SIL1: variants seen among roughly 807,000 people sequenced by gnomAD.
The protein encoded by SIL1 is nucleotide exchange factor SIL1.
A neutral mutation model predicts 49.1 loss-of-function variants in SIL1; 40 were observed. The ratio of observed to expected loss-of-function variants is 0.81; its 90% CI spans 0.63 to 1.06. The LOEUF is 1.06. Among genes scored for constraint, SIL1 ranks in the 50% least tolerant of loss-of-function variants. The pLI is 0.00. For synonymous variants in SIL1, 253 were observed against 250.8 expected, an observed-to-expected ratio of 1.01 and a Z score of -0.08; for missense variants, 500 against 572.6, an observed-to-expected ratio of 0.87 and a Z score of 1.29.
intron 7 of SIL1, among the ~76,000 whole-genome samples, chr5:138,993,490 T>C (rs1767799100): frequency 6.6e-6 from 1 of 152,208 alleles, no homozygotes; most frequent in Non-Finnish European, 1.5e-5. Flanking sequence ...TTACCTCCCA[T>C]TGGGTGTGGG....
At chr5:139,019,986 A>T (rs775409278) in intron 7 of SIL1, among the ~76,000 whole-genome samples, 10 of 152,214 alleles carry the variant, frequency 6.6e-5, no homozygotes, top group Non-Finnish European at 1.3e-4. Flanking sequence ...AACCGCAGAT[A>T]CTAACGTCAA....
intron 3 of SIL1, among the ~76,000 whole-genome samples, chr5:139,073,180 T>C (rs909999390): frequency 6.6e-6 from 1 of 152,208 alleles, no homozygotes; most frequent in Non-Finnish European, 1.5e-5. Flanking sequence ...AACTACCATA[T>C]GATCCAGTAA....
At chr5:138,962,622 A>T (rs998151863) in intron 7 of SIL1, among the ~76,000 whole-genome samples, 5 of 152,248 alleles carry the variant, frequency 3.3e-5, no homozygotes, top group African/African-American at 1.2e-4. Flanking sequence ...TTTAACAAAA[A>T]TTATTATTTT....
chr5:139,068,302 T>C (rs190697980), intron 3 of SIL1, among the ~76,000 whole-genome samples: 2 of 152,272 alleles, frequency 1.3e-5, no homozygotes, highest in African/African-American at 4.8e-5. Context: ...AGGCATTCAC[T>C]AAAAATTATA....
intron 1 of SIL1, among the ~76,000 whole-genome samples, chr5:139,141,903 G>C (rs1351804016): frequency 6.6e-6 from 1 of 152,136 alleles, no homozygotes; most frequent in Non-Finnish European, 1.5e-5. Context: ...GACTTGTTCT[G>C]ATCTCCTGAA....
intron 3 of SIL1, among the ~76,000 whole-genome samples, chr5:139,057,607 C>T (rs986293982): frequency 3.3e-5 from 5 of 152,068 alleles, no homozygotes; most frequent in South Asian, 2.1e-4. Flanking sequence ...GAGTCTTGAA[C>T]CCCCACAGAG....
chr5:139,068,672 A>AG (rs1217060239), intron 3 of SIL1, among the ~76,000 whole-genome samples: 3 of 148,038 alleles, frequency 2.0e-5, no homozygotes, highest in African/African-American at 7.3e-5. Context: ...AAAAAAAAAA[A>AG]AAGAAGAGAA....
At chr5:139,053,806 A>G (rs1425540834) in intron 3 of SIL1, among the ~76,000 whole-genome samples, 2 of 152,094 alleles carry the variant, frequency 1.3e-5, no homozygotes, top group African/African-American at 4.8e-5. Context: ...GGCATCCTCT[A>G]TTTTCTCAGA....
intron 1 of SIL1, among the ~76,000 whole-genome samples, chr5:139,165,881 T>A (rs891600701): frequency 6.6e-6 from 1 of 151,858 alleles, no homozygotes; most frequent in African/African-American, 2.4e-5. Flanking sequence ...GCCAGGATGG[T>A]CTCGATCTCC....
intron 7 of SIL1, among the ~76,000 whole-genome samples, chr5:139,002,469 A>G (rs1768008851): frequency 1.3e-5 from 2 of 152,202 alleles, no homozygotes; most frequent in Admixed American, 1.3e-4. Flanking sequence ...TCATTGCAGA[A>G]AAGGCTTTAC....
chr5:139,148,659 G>T (rs1751237444), intron 1 of SIL1, among the ~76,000 whole-genome samples: 1 of 152,218 alleles, frequency 6.6e-6, no homozygotes. Context: ...ACCGGGTCAT[G>T]AATAAGAAAA....
In SIL1 at chr5:138,948,655, C is replaced by T. The variant is rs1766691148; in HGVS notation, c.1030-1182G>A. Among the ~76,000 whole-genome samples the T allele has an allele frequency of 6.6e-6, 1 of 152,130 alleles. No individual in the cohort carries two copies. Among genetic ancestry groups the T allele is most frequent in the Non-Finnish European group, 1.5e-5 (1 of 68,026 alleles). ...CCCCGCATTGGCCCCATTCACTCCA[C>T]GGCTCCCTGCACACCTCACCGCCAC... On this transcript the variant is annotated intron_variant, in intron 9 of 9. Coordinates refer to ENST00000394817, the MANE Select transcript of SIL1 (RefSeq NM_022464.5). The surrounding 1 kb of genome is among the most constrained non-coding windows in gnomAD (Gnocchi z 4.8).
chr5:139,117,667 T>A (rs552925032), intron 3 of SIL1, among the ~76,000 whole-genome samples: 2 of 152,268 alleles, frequency 1.3e-5, no homozygotes, highest in African/African-American at 4.8e-5. Context: ...CACCCTCAAA[T>A]GCTTGCTGTG....
At chr5:139,055,428 C>A (rs891134250) in intron 3 of SIL1, among the ~76,000 whole-genome samples, 2 of 152,118 alleles carry the variant, frequency 1.3e-5, no homozygotes, top group African/African-American at 4.8e-5. Context: ...CTTTACAGTT[C>A]CTCCTACTGC....
At chr5:139,070,671 A>G (rs1010111000) in intron 3 of SIL1, among the ~76,000 whole-genome samples, 1 of 152,190 alleles carries the variant, frequency 6.6e-6, no homozygotes, top group Non-Finnish European at 1.5e-5. Context: ...AACAATTTCA[A>G]CTTCAATAAA....
At chr5:139,189,731 G>T (rs1352481524) in intron 1 of SIL1, among the ~76,000 whole-genome samples, 1 of 152,208 alleles carries the variant, frequency 6.6e-6, no homozygotes, top group Non-Finnish European at 1.5e-5. Flanking sequence ...TGAGGCAGGA[G>T]AATTGCTTGA....
intron 5 of SIL1, among the ~76,000 whole-genome samples, chr5:139,031,693 A>G (rs1330449599): frequency 6.6e-6 from 1 of 152,204 alleles, no homozygotes; most frequent in African/African-American, 2.4e-5. Flanking sequence ...ATTCAGAGAG[A>G]GTTAACATTT....
chr5:139,096,940 G>C (rs1770479803), intron 3 of SIL1, among the ~76,000 whole-genome samples: 1 of 151,966 alleles, frequency 6.6e-6, no homozygotes, highest in South Asian at 2.1e-4. Flanking sequence ...GACCTACCCT[G>C]GGCCAGAAGG....
At chr5:139,023,115 T>C (rs959829537) in intron 6 of SIL1, among the ~76,000 whole-genome samples, 1 of 152,210 alleles carries the variant, frequency 6.6e-6, no homozygotes, top group African/African-American at 2.4e-5. Context: ...ATGATAGAAA[T>C]GCAGACATTT....
Sources: gnomAD v4.1 joint callset for allele counts (sites outside exome capture counted in the v4.1 genomes callset) on GRCh38, gnomAD v4.1.1 for gene constraint, Gnocchi (gnomAD v3.1) non-coding constraint, MANE v1.5 for transcripts, NCBI Gene and HGNC (gene_info 2026-07-23, HGNC 2026-07-21) for gene names.